Variants in ADAM18 observed in about 807,000 individuals in gnomAD.
ADAM18 encodes ADAM metallopeptidase domain 18, also known as disintegrin and metalloproteinase domain-containing protein 18.
ADAM18 carries 117 observed loss-of-function variants against 94.4 expected under a neutral mutation model. The observed-to-expected ratio is 1.24, with a 90% CI of 1.07 to 1.45. The LOEUF is 1.45. ADAM18 is among the 40% of genes most tolerant of loss of function. The pLI, the probability that ADAM18 is intolerant of heterozygous loss-of-function variation, is 0.00. For missense variants in ADAM18, 936 were observed against 880.0 expected, an observed-to-expected ratio of 1.06 and a Z score of -0.81; for synonymous variants, 327 against 291.6, an observed-to-expected ratio of 1.12 and a Z score of -1.24.
In ADAM18 at chr8:39,692,611, TAA is replaced by T. The variant is rs1821813398; in HGVS notation, c.1836_1837del (p.Lys612AsnfsTer11). Reference sequence around the variant, plus strand: ...TTGTTTTGTTTTAGTACTGTGTAAATAAAACCTGCAGAAAAGTTCATTTAATG... The same window carrying T: ...TTGTTTTGTTTTAGTACTGTGTAAATAACCTGCAGAAAAGTTCATTTAATG... ...MCGPEMYCVN[K>X]TCRKVHLMGY... is the part of the protein sequence containing the mutation. On this transcript the variant is annotated frameshift_variant, in exon 17 of 20. Transcript: ENST00000265707. LOFTEE classifies it high-confidence loss of function. 1 of 1,604,132 alleles carries T rather than the reference TAA, an allele frequency of 6.2e-7. No homozygotes were observed. The highest frequency in any genetic ancestry group is 1.3e-5 in the African/African-American group (1 of 74,570).
intron 2 of ADAM18, chr8:39,604,858 A>G (rs899832617): frequency 6.6e-6 from 1 of 151,446 alleles, no homozygotes. Context: ...TTGATAAATT[A>G]CTCCTTTTAT....
intron 6 of ADAM18, among the ~76,000 whole-genome samples, chr8:39,627,879 C>T (rs1307587324): frequency 1.3e-5 from 2 of 151,778 alleles, no homozygotes; most frequent in Non-Finnish European, 2.9e-5. Flanking sequence ...ATGTACAACT[C>T]CTTTTAGCAT....
At chr8:39,715,575 A>T (rs554939303) in intron 18 of ADAM18, among the ~76,000 whole-genome samples, 1 of 152,114 alleles carries the variant, frequency 6.6e-6, no homozygotes, top group Admixed American at 6.6e-5. Flanking sequence ...GAAAAATGGA[A>T]AAAAGACATA....
rs144242730 is a variant in ADAM18 at position 39,636,396 on chromosome 8, T to C, written c.589-868T>C. On this transcript the variant is annotated intron_variant, in intron 7 of 19. Transcript: ENST00000265707. ...ATTATATATTCTTTGAACTTTATCT[T>C]TGGCCATTTTGGCAAATGCCATTTT... Among the ~76,000 whole-genome samples the C allele has an allele frequency of 6.0e-3, 912 of 152,306 alleles. 5 individuals carry two copies. The highest frequency in any genetic ancestry group is 0.021 in the African/African-American group (868 of 41,576).
intron 14 of ADAM18, among the ~76,000 whole-genome samples, chr8:39,677,167 A>G (rs1821322674): frequency 6.6e-6 from 1 of 152,230 alleles, no homozygotes; most frequent in African/African-American, 2.4e-5. Context: ...TATTCATTAG[A>G]TTAAGAAGTA....
At chr8:39,595,099 A>AT (rs1432711001) in intron 2 of ADAM18, among the ~76,000 whole-genome samples, 3 of 151,926 alleles carry the variant, frequency 2.0e-5, no homozygotes, top group African/African-American at 7.2e-5. Flanking sequence ...TCCTCTCTAC[A>AT]TTTTTTGTAA....
At chr8:39,590,087 A>T (rs1818527531) in intron 2 of ADAM18, among the ~76,000 whole-genome samples, 1 of 151,280 alleles carries the variant, frequency 6.6e-6, no homozygotes, top group Non-Finnish European at 1.5e-5. Context: ...ATTACTGGGT[A>T]TATACCCAAA....
At chr8:39,679,898 A>G (rs1821396616) in intron 15 of ADAM18, 139 bp from the exon 16 acceptor site, 2 of 760,244 alleles carry the variant, frequency 2.6e-6, no homozygotes, top group East Asian at 2.7e-5. Flanking sequence ...GTTGTGCACC[A>G]TAAAATAATG....
chr8:39,676,816 T>A (rs1821315684), intron 14 of ADAM18, among the ~76,000 whole-genome samples: 1 of 152,230 alleles, frequency 6.6e-6, no homozygotes, highest in Admixed American at 6.5e-5. Context: ...AAAAGAAGAT[T>A]AGAAACAGTT....
intron 14 of ADAM18, among the ~76,000 whole-genome samples, chr8:39,669,592 G>C (rs1007032406): frequency 1.3e-5 from 2 of 150,720 alleles, no homozygotes; most frequent in East Asian, 3.9e-4. Context: ...GCCATAGTTT[G>C]CTGAGAATGA....
intron 18 of ADAM18, among the ~76,000 whole-genome samples, chr8:39,708,896 C>T (rs1353838686): frequency 6.6e-6 from 1 of 152,220 alleles, no homozygotes; most frequent in Non-Finnish European, 1.5e-5. Context: ...AGTGCGGGCC[C>T]TGCGCCCGCA....
In ADAM18 at chr8:39,637,689, A is replaced by T. The variant is rs541966827; in HGVS notation, c.813A>T (p.Ile271=). Residue 271 remains isoleucine (I), a synonymous_variant, in exon 9 of 20, where the codon ATA becomes ATT. Transcript: ENST00000265707. ...RDYLILRPHD[I]AYLLVYRKHP... ...ATCTCATCCTACGGCCCCATGACAT[A>T]GCATACTTACTTGTGTAAGCACAAT... The T allele has an allele frequency of 6.2e-7, 1 of 1,604,786 alleles. No homozygotes were observed. Among genetic ancestry groups the T allele is most frequent in the South Asian group, 1.1e-5 (1 of 89,434 alleles).
intron 12 of ADAM18, among the ~76,000 whole-genome samples, chr8:39,657,821 T>C (rs909530456): frequency 2.6e-5 from 4 of 152,142 alleles, no homozygotes; most frequent in Non-Finnish European, 5.9e-5. Flanking sequence ...AAAGCCTTTA[T>C]AGTCTTAAAA....
chr8:39,642,034 T>G (rs1820252831), intron 10 of ADAM18, among the ~76,000 whole-genome samples: 1 of 152,202 alleles, frequency 6.6e-6, no homozygotes, highest in South Asian at 2.1e-4. Context: ...TTTTCTCATA[T>G]GATTGTTGGC....
At chr8:39,658,972 AT>A (rs997286052) in intron 12 of ADAM18, among the ~76,000 whole-genome samples, 14 of 152,154 alleles carry the variant, frequency 9.2e-5, no homozygotes, top group Non-Finnish European at 7.4e-5. Flanking sequence ...ATTTTTCAAA[AT>A]TGAGAACAAG....
chr8:39,663,225 T>C (rs9298572), intron 12 of ADAM18, among the ~76,000 whole-genome samples: 19,457 of 152,014 alleles, frequency 0.13, 1,800 homozygotes, highest in African/African-American at 0.26. Flanking sequence ...TGAATATTGC[T>C]GACCAACTGC....
At position 39,637,225 on chromosome 8, in the gene ADAM18, A is replaced by T. The variant is rs1287999602; in HGVS notation, c.589-39A>T. 2.4e-5 allele frequency: 35 copies of T among 1,446,546 alleles called. No homozygotes were observed. In the Admixed American group the frequency reaches 6.8e-4, roughly 28 times the overall value. The allele number at this position is 1,446,546 out of a possible 1,614,324, so 89.6% of individuals were successfully genotyped here. On this transcript the variant is annotated intron_variant, in intron 7 of 19. Coordinates refer to ENST00000265707, the MANE Select transcript of ADAM18 (RefSeq NM_014237.3). ...AATATCATTTCATTCACATGGATTCAAAATAATACTTTCATGAAAAATAAA... is the reference window on the plus strand; with the variant it reads ...AATATCATTTCATTCACATGGATTCTAAATAATACTTTCATGAAAAATAAA...
intron 18 of ADAM18, among the ~76,000 whole-genome samples, chr8:39,713,130 A>G (rs922485126): frequency 6.6e-6 from 1 of 152,194 alleles, no homozygotes; most frequent in Admixed American, 6.5e-5. Flanking sequence ...TTCAGAAATA[A>G]CACCACACAT....
At chr8:39,653,824 G>T (rs7842931) in intron 12 of ADAM18, among the ~76,000 whole-genome samples, 56,624 of 151,958 alleles carry the variant, frequency 0.37, 12,762 homozygotes, top group Middle Eastern at 0.51. Context: ...CTTTGTGTTG[G>T]GAACGTTACA....
Sources: gnomAD v4.1 joint callset for allele counts (sites outside exome capture counted in the v4.1 genomes callset) on GRCh38, gnomAD v4.1.1 for gene constraint, MANE v1.5 for transcripts, NCBI Gene and HGNC (gene_info 2026-07-23, HGNC 2026-07-21) for gene names.